ANO10: variants seen among roughly 807,000 people sequenced by gnomAD.
The protein encoded by ANO10 is anoctamin 10.
Under a neutral mutation model 74.7 loss-of-function variants are expected in ANO10, and 77 were observed. The observed-to-expected ratio is 1.03, with a 90% CI of 0.86 to 1.25. ANO10 has a LOEUF of 1.25. Among genes scored for constraint, ANO10 ranks in the 50% most tolerant of loss-of-function variants. The probability of loss-of-function intolerance (pLI) is 0.00; values close to 1 mark genes in which losing one functional copy is unlikely to be tolerated. For missense variants in ANO10, 721 were observed against 778.1 expected (o/e 0.93, Z 0.87); for synonymous variants, 279 against 284.9 (o/e 0.98, Z 0.21).
At position 43,504,280 on chromosome 3, in the gene ANO10, A is replaced by ATAGGTAGG. The variant is rs202181247; in HGVS notation, c.1797+45432_1797+45439dup. 4.7e-3 allele frequency among the ~76,000 whole-genome samples: 681 copies of ATAGGTAGG among 143,616 alleles called. 3 individuals are homozygous for ATAGGTAGG. Among genetic ancestry groups the ATAGGTAGG allele is most frequent in the Middle Eastern group, 0.018 (5 of 280 alleles). The allele number at this position is 143,616 out of a possible 152,430, so 94.2% of individuals were successfully genotyped here. On this transcript the variant is annotated intron_variant, in intron 11 of 12. Coordinates refer to ENST00000292246, the MANE Select transcript of ANO10 (RefSeq NM_018075.5). Reference sequence around the variant, plus strand: ...AAACTCCGCCTCAAAAAATAAGTAGATAGGTAGGTAGGTAGGTAGGTAGAT... The same window carrying ATAGGTAGG: ...AAACTCCGCCTCAAAAAATAAGTAGATAGGTAGGTAGGTAGGTAGGTAGGTAGGTAGAT...
At chr3:43,548,248 TGTGAA>T (rs1020903790) in intron 11 of ANO10, among the ~76,000 whole-genome samples, 8 of 152,212 alleles carry the variant, frequency 5.3e-5, no homozygotes, top group African/African-American at 1.9e-4. Flanking sequence ...TTTTTAGATC[TGTGAA>T]GTGAAGTGCC....
intron 1 of ANO10, among the ~76,000 whole-genome samples, chr3:43,617,284 CCATA>C (rs1172129607): frequency 6.6e-6 from 1 of 151,622 alleles, no homozygotes; most frequent in African/African-American, 2.4e-5. Flanking sequence ...AATGATTTGA[CCATA>C]CAGACTTCCT....
chr3:43,442,658 A>G (rs988358673), intron 11 of ANO10, among the ~76,000 whole-genome samples: 8 of 152,348 alleles, frequency 5.3e-5, no homozygotes, highest in East Asian at 3.9e-4. Flanking sequence ...TCTAACACAA[A>G]AGATTCTTAA....
intron 1 of ANO10, among the ~76,000 whole-genome samples, chr3:43,665,188 T>G (rs140325838): frequency 6.6e-6 from 1 of 152,190 alleles, no homozygotes; most frequent in Non-Finnish European, 1.5e-5. Context: ...TGGAATACTA[T>G]GCAGGCATAA....
intron 1 of ANO10, among the ~76,000 whole-genome samples, chr3:43,629,007 C>T (rs925110832): frequency 6.6e-6 from 1 of 152,114 alleles, no homozygotes; most frequent in Admixed American, 6.5e-5. Context: ...TCTCTGTGAC[C>T]CACACCTATT....
intron 11 of ANO10, among the ~76,000 whole-genome samples, chr3:43,518,173 G>C (rs1010550530): frequency 1.3e-5 from 2 of 152,158 alleles, no homozygotes; most frequent in African/African-American, 4.8e-5. Context: ...AGCTGTGACA[G>C]AAGAACATAA....
chr3:43,581,927 A>G (rs1186083559), intron 4 of ANO10, among the ~76,000 whole-genome samples: 1 of 146,944 alleles, frequency 6.8e-6, no homozygotes, highest in East Asian at 2.0e-4. Context: ...CCTCATCTCG[A>G]AAAAAAAAAA....
Position 43,561,317 on chromosome 3 carries a change from C to T in ANO10, c.1379G>A (p.Gly460Asp). 6.2e-7 allele frequency: 1 copy of T among 1,614,142 alleles called. No individual in the cohort carries two copies. Among genetic ancestry groups the T allele is most frequent in the Non-Finnish European group, 8.5e-7 (1 of 1,180,016 alleles). The change falls in exon 9 of 13, where the codon GGT (glycine) becomes GAT (aspartate). Residue 460 changes from glycine (G) to aspartate (D), a missense_variant. Physicochemically the swap from Gly to Asp is moderately conservative, Grantham distance 94. Coordinates refer to ENST00000292246, the MANE Select transcript of ANO10 (RefSeq NM_018075.5). ...CTGCACCTTCCTCTTCACCCGCACACCATGCTTCCTTTGGAGCCAATAAGG... is the reference window on the plus strand; with the variant it reads ...CTGCACCTTCCTCTTCACCCGCACATCATGCTTCCTTTGGAGCCAATAAGG... ...FLPYWLQRKHGVRVKRKVQAL... is the reference protein window; with the variant it reads ...FLPYWLQRKHDVRVKRKVQAL...
At chr3:43,482,460 C>T (rs2076311360) in intron 11 of ANO10, among the ~76,000 whole-genome samples, 1 of 152,060 alleles carries the variant, frequency 6.6e-6, no homozygotes, top group African/African-American at 2.4e-5. Context: ...TCTAATATGC[C>T]ACCTGCTCCC....
chr3:43,506,023 T>C (rs1247885629), intron 11 of ANO10, among the ~76,000 whole-genome samples: 2 of 152,188 alleles, frequency 1.3e-5, no homozygotes, highest in East Asian at 1.9e-4. Context: ...GAATAAAATA[T>C]GTTTAAGATA....
At chr3:43,563,622 T>A (rs890673823) in intron 8 of ANO10, among the ~76,000 whole-genome samples, 2 of 152,068 alleles carry the variant, frequency 1.3e-5, no homozygotes, top group Non-Finnish European at 2.9e-5. Context: ...AACAGATGAA[T>A]AGATAAGGAA....
At chr3:43,376,578 G>GTCTTACCT (rs2091814686) in intron 12 of ANO10, among the ~76,000 whole-genome samples, 3 of 152,186 alleles carry the variant, frequency 2.0e-5, no homozygotes, top group Non-Finnish European at 2.9e-5. Flanking sequence ...ACATAGGTAA[G>GTCTTACCT]AGGGCAACAA....
At chr3:43,664,218 A>G (rs1482299234) in intron 1 of ANO10, among the ~76,000 whole-genome samples, 2 of 152,296 alleles carry the variant, frequency 1.3e-5, no homozygotes, top group East Asian at 1.9e-4. Flanking sequence ...GTCCTCAGAA[A>G]TAACACCACA....
intron 11 of ANO10, among the ~76,000 whole-genome samples, chr3:43,461,643 C>T (rs1354690514): frequency 2.0e-5 from 3 of 152,316 alleles, no homozygotes; most frequent in Admixed American, 6.5e-5. Flanking sequence ...TGCCTGCTGC[C>T]ATTCATGTAA....
intron 10 of ANO10, among the ~76,000 whole-genome samples, chr3:43,550,742 A>T (rs1255122876): frequency 1.3e-5 from 2 of 152,102 alleles, no homozygotes; most frequent in African/African-American, 4.8e-5. Context: ...TTAGTTTAAA[A>T]TTTCTATTTA....
intron 10 of ANO10, among the ~76,000 whole-genome samples, chr3:43,553,665 A>G (rs1269665613): frequency 6.6e-6 from 1 of 151,650 alleles, no homozygotes; most frequent in Non-Finnish European, 1.5e-5. Context: ...CCTCCCAAGT[A>G]GCTGGGATTA....
chr3:43,428,711 TTTC>T (rs767372835), intron 12 of ANO10, among the ~76,000 whole-genome samples: 1 of 151,292 alleles, frequency 6.6e-6, no homozygotes, highest in African/African-American at 2.4e-5. Context: ...ATTTTAGATT[TTTC>T]TTCTTCTTTT....
intron 1 of ANO10, among the ~76,000 whole-genome samples, chr3:43,646,370 G>C (rs1382858385): frequency 3.9e-5 from 6 of 152,078 alleles, no homozygotes; most frequent in African/African-American, 1.2e-4. Flanking sequence ...ACTTCTGCCT[G>C]CTACCTGTCC....
intron 12 of ANO10, among the ~76,000 whole-genome samples, chr3:43,421,140 T>C (rs1162058077): frequency 1.3e-5 from 2 of 152,046 alleles, no homozygotes; most frequent in African/African-American, 2.4e-5. Flanking sequence ...GGAGAATTGC[T>C]TGAACCCAGG....
Sources: allele counts gnomAD v4.1 joint callset (sites outside exome capture counted in the v4.1 genomes callset), GRCh38; gene constraint gnomAD v4.1.1; transcripts MANE v1.5; gene names NCBI Gene and HGNC (gene_info 2026-07-23, HGNC 2026-07-21).